MAP2K5: variants seen among roughly 807,000 people sequenced by gnomAD.
The protein encoded by MAP2K5 is dual specificity mitogen-activated protein kinase kinase 5.
A neutral mutation model predicts 83.1 loss-of-function variants in MAP2K5; 49 were observed. The ratio of observed to expected loss-of-function variants is 0.59; its 90% CI spans 0.47 to 0.75. The LOEUF is 0.75. Ranked by LOEUF, MAP2K5 falls within the 30% of genes least tolerant of loss-of-function variation. The pLI, the probability that MAP2K5 is intolerant of heterozygous loss-of-function variation, is 0.00. For missense variants in MAP2K5, 457 were observed against 557.5 expected, an observed-to-expected ratio of 0.82 and a Z score of 1.82; for synonymous variants, 202 against 191.8, an observed-to-expected ratio of 1.05 and a Z score of -0.44.
intron 12 of MAP2K5, chr15:67,659,208 G>T: frequency 5.8e-6 from 1 of 171,520 alleles, no homozygotes. Context: ...GTTCTCATAA[G>T]TTCCATATTT....
chr15:67,589,783 ATGTGTGTGTGTGTG>A (rs10584480), intron 6 of MAP2K5, among the ~76,000 whole-genome samples: 2 of 150,134 alleles, frequency 1.3e-5, no homozygotes, highest in South Asian at 4.2e-4. Flanking sequence ...GTGTGTGTGT[ATGTGTGTGTGTGTG>A]TGTGTGTGTG....
In MAP2K5 at chr15:67,782,200, G is replaced by A. The variant is rs546491683; in HGVS notation, c.1242+9448G>A. Among the ~76,000 whole-genome samples the A allele has an allele frequency of 2.7e-4, 41 of 152,276 alleles. 1 individual carries two copies. Among genetic ancestry groups the A allele is most frequent in the Admixed American group, 1.8e-3 (28 of 15,296 alleles). ...AAGAGGCAGTGTCTCCCGCCTCTGC[G>A]GTTTCAATAATTTTAAGAGCCCCCA... On this transcript the variant is annotated intron_variant, in intron 21 of 21. Coordinates refer to ENST00000178640, the MANE Select transcript of MAP2K5 (RefSeq NM_145160.3). The surrounding 1 kb of genome is among the most constrained non-coding windows in gnomAD (Gnocchi z 4.9).
intron 16 of MAP2K5, among the ~76,000 whole-genome samples, chr15:67,709,724 A>G (rs187608877): frequency 6.6e-6 from 1 of 152,306 alleles, no homozygotes; most frequent in Admixed American, 6.5e-5. Context: ...AGTTCACAAC[A>G]TAAATCTGTA....
intron 13 of MAP2K5, among the ~76,000 whole-genome samples, chr15:67,669,003 A>G (rs1429998664): frequency 6.6e-6 from 1 of 152,156 alleles, no homozygotes. Flanking sequence ...GTTTCAGTAT[A>G]CATGTTACAA....
chr15:67,669,737 C>T (rs894002981), intron 13 of MAP2K5, among the ~76,000 whole-genome samples: 2 of 151,926 alleles, frequency 1.3e-5, no homozygotes, highest in African/African-American at 2.4e-5. Flanking sequence ...AAATTGTTAA[C>T]AGTTTAGTAT....
chr15:67,688,102 C>T (rs1028466859), intron 13 of MAP2K5, among the ~76,000 whole-genome samples: 2 of 152,090 alleles, frequency 1.3e-5, no homozygotes, highest in Admixed American at 6.5e-5. Flanking sequence ...AAGGAGCAAG[C>T]CAGGGACAAT....
chr15:67,678,962 C>CAAAAAA (rs35828534), intron 13 of MAP2K5, among the ~76,000 whole-genome samples: 1 of 115,936 alleles, frequency 8.6e-6, no homozygotes. Flanking sequence ...CACTGCATCT[C>CAAAAAA]AAAAAAAAAA....
Position 67,592,936 on chromosome 15 carries a change from T to G in MAP2K5, c.442T>G (p.Ser148Ala). The G allele has an allele frequency of 1.2e-5, 20 of 1,608,798 alleles. No individual in the cohort carries two copies. The highest frequency in any genetic ancestry group is 1.5e-5 in the Non-Finnish European group (18 of 1,176,472). ...ATCTTTCCTTTTCAGCTTAAAGAAG[T>G]CTTCTGCTGAACTGAAAAAAATACT... ...DSLPSNSLKKSSAELKKILAN... is the reference protein window; with the variant it reads ...DSLPSNSLKKASAELKKILAN... Residue 148 changes from serine to alanine, a missense_variant, in exon 7 of 22, where the codon TCT becomes GCT. This residue lies in a region of MAP2K5 where 234 missense variants were observed against 243.6 expected (regional missense o/e 0.96). Coordinates refer to ENST00000178640, the MANE Select transcript of MAP2K5 (RefSeq NM_145160.3).
At chr15:67,616,423 G>C (rs1050526190) in intron 8 of MAP2K5, among the ~76,000 whole-genome samples, 1 of 152,132 alleles carries the variant, frequency 6.6e-6, no homozygotes, top group African/African-American at 2.4e-5. Flanking sequence ...TAATGAATCA[G>C]ATCTCAGAGA....
chr15:67,792,258 A>G (rs1042243835), intron 21 of MAP2K5, among the ~76,000 whole-genome samples: 1 of 152,150 alleles, frequency 6.6e-6, no homozygotes, highest in African/African-American at 2.4e-5. Flanking sequence ...AGTCCCCTTA[A>G]TTGTTATGAG....
rs1056921535 is a variant in MAP2K5 at position 67,548,942 on chromosome 15, G to T, written c.136-1092G>T. 19 of 1,043,948 alleles carry T rather than the reference G, an allele frequency of 1.8e-5. 1 individual carries two copies. The highest frequency in any genetic ancestry group is 6.5e-5 in the Admixed American group (2 of 30,758). 64.7% of individuals were successfully genotyped at this position (1,043,948 alleles called of 1,614,324 possible). ...AAAAAAAAAAGCACTATAGAGGCAAGACTATTATGCAAATTGCCACTGCAG... is the reference window on the plus strand; with the variant it reads ...AAAAAAAAAAGCACTATAGAGGCAATACTATTATGCAAATTGCCACTGCAG... On this transcript the variant is annotated intron_variant, in intron 1 of 21. Transcript: ENST00000178640.
rs1227506156 is a variant in MAP2K5, at chr15:67,668,145, T to C, written c.847+3500T>C. Reference sequence around the variant, plus strand: ...CTTTTTAAGATTTGGTTGAGATATATGTGCAGGGACTTTATAAACTATTGA... The same window carrying C: ...CTTTTTAAGATTTGGTTGAGATATACGTGCAGGGACTTTATAAACTATTGA... On this transcript the variant is annotated intron_variant, in intron 13 of 21. Coordinates refer to ENST00000178640, the MANE Select transcript of MAP2K5 (RefSeq NM_145160.3). The surrounding 1 kb of genome is among the most constrained non-coding windows in gnomAD (Gnocchi z 4.0). Among the ~76,000 whole-genome samples, 2 of 152,216 alleles carry C rather than the reference T, an allele frequency of 1.3e-5. No individual in the cohort carries two copies. The highest frequency in any genetic ancestry group is 2.4e-5 in the African/African-American group (1 of 41,474).
intron 19 of MAP2K5, among the ~76,000 whole-genome samples, chr15:67,767,519 A>G (rs191807526): frequency 2.0e-5 from 3 of 152,370 alleles, no homozygotes; most frequent in African/African-American, 4.8e-5. Context: ...CTCACTGATC[A>G]GAGTCCATCA....
rs2088451777 is a variant in MAP2K5 at position 67,702,733 on chromosome 15, C to T, written c.973-604C>T. On this transcript the variant is annotated intron_variant, in intron 15 of 21. Coordinates refer to ENST00000178640, the MANE Select transcript of MAP2K5 (RefSeq NM_145160.3). This position sits in a 1 kb window ranked among gnomAD's most constrained non-coding sequence, Gnocchi z 4.6. ...TCCCAAATGGACCTTTCAGACTGTTCCTTGGTTCATATACAAAGAAACTCT... is the reference window on the plus strand; with the variant it reads ...TCCCAAATGGACCTTTCAGACTGTTTCTTGGTTCATATACAAAGAAACTCT... 6.6e-6 allele frequency among the ~76,000 whole-genome samples: 1 copy of T among 152,060 alleles called. No homozygotes were observed. Among genetic ancestry groups the T allele is most frequent in the Non-Finnish European group, 1.5e-5 (1 of 68,002 alleles).
rs2084781945 is a variant in MAP2K5 at position 67,563,610 on chromosome 15, A to G, written c.252+260A>G. On this transcript the variant is annotated intron_variant, in intron 3 of 21. Transcript: ENST00000178640. The surrounding 1 kb of genome is among the most constrained non-coding windows in gnomAD (Gnocchi z 4.5). ...AGGTATGATGCAGACTAAATGGACT[A>G]TCAATTTCCTGTATTTTTTATGCAG... Among the ~76,000 whole-genome samples, 2 of 152,204 alleles carry G rather than the reference A, an allele frequency of 1.3e-5. No homozygotes were observed. Among genetic ancestry groups the G allele is most frequent in the South Asian group, 2.1e-4 (1 of 4,830 alleles).
chr15:67,549,315 T>A (rs1168871545), intron 1 of MAP2K5: 1 of 985,486 alleles, frequency 1.0e-6, no homozygotes, highest in Non-Finnish European at 1.5e-6. Flanking sequence ...TATACCCTTT[T>A]TAGATTTTTG....
intron 8 of MAP2K5, among the ~76,000 whole-genome samples, chr15:67,626,693 G>GT (rs1026252894): frequency 2.0e-5 from 3 of 151,822 alleles, no homozygotes; most frequent in Admixed American, 6.6e-5. Flanking sequence ...GAGGCTTGGA[G>GT]TTTGAGACCA....
rs1403878766 is a variant in MAP2K5 at position 67,785,111 on chromosome 15, A to G, written c.1242+12359A>G. Among the ~76,000 whole-genome samples the G allele has an allele frequency of 1.3e-5, 2 of 151,986 alleles. No homozygotes were observed. The highest frequency in any genetic ancestry group is 4.8e-5 in the African/African-American group (2 of 41,372). On this transcript the variant is annotated intron_variant, in intron 21 of 21. Coordinates refer to ENST00000178640, the MANE Select transcript of MAP2K5 (RefSeq NM_145160.3). The surrounding 1 kb of genome is among the most constrained non-coding windows in gnomAD (Gnocchi z 4.4). ...CTACACATGAACAACACTATGGCTA[A>G]TTTTTGTATTTTCAGTAGAGACGGG... is the stretch of plus-strand genomic sequence containing the variant.
rs1256068364 is a variant in MAP2K5, at chr15:67,587,443, TGTG to T, written c.431+534_431+536del. On this transcript the variant is annotated intron_variant, in intron 6 of 21. Coordinates refer to ENST00000178640, the MANE Select transcript of MAP2K5 (RefSeq NM_145160.3). This position sits in a 1 kb window ranked among gnomAD's most constrained non-coding sequence, Gnocchi z 4.8. ...CTGTGTTTTTAAAAGATCCTCTGCC[TGTG>T]GTGTGGCGAATGAGCAGAAGCTCCC... Among the ~76,000 whole-genome samples, 3 of 152,166 alleles carry T rather than the reference TGTG, an allele frequency of 2.0e-5. No individual in the cohort carries two copies. The highest frequency in any genetic ancestry group is 7.2e-5 in the African/African-American group (3 of 41,436).
Sources: gnomAD v4.1 joint callset for allele counts (sites outside exome capture counted in the v4.1 genomes callset) on GRCh38, gnomAD v4.1.1 for gene constraint, gnomAD v4.1.1 regional missense constraint, Gnocchi (gnomAD v3.1) non-coding constraint, MANE v1.5 for transcripts, NCBI Gene and HGNC (gene_info 2026-07-23, HGNC 2026-07-21) for gene names.